The following PRC1 variants were observed in gnomAD, a reference collection of about 807,000 sequenced individuals.
PRC1 encodes anaphase spindle elongation 1 homolog.
PRC1 carries 54 observed loss-of-function variants against 91.2 expected under a neutral mutation model. The ratio of observed to expected loss-of-function variants is 0.59; its 90% CI spans 0.48 to 0.74. The LOEUF is 0.74. Among genes scored for constraint, PRC1 ranks in the 30% least tolerant of loss-of-function variants. PRC1 has a pLI of 0.00. For missense variants in PRC1, 727 were observed against 746.2 expected (o/e 0.97, Z 0.30); for synonymous variants, 275 against 263.6 (o/e 1.04, Z -0.42).
At chr15:90,993,660 T>G (rs954068060) in intron 1 of PRC1, among the ~76,000 whole-genome samples, 1 of 152,110 alleles carries the variant, frequency 6.6e-6, no homozygotes, top group Non-Finnish European at 1.5e-5. Flanking sequence ...GGACAGTCCC[T>G]CCCCAACACC....
intron 1 of PRC1, among the ~76,000 whole-genome samples, chr15:90,994,028 C>A (rs1340158074): frequency 2.6e-5 from 4 of 152,196 alleles, no homozygotes; most frequent in African/African-American, 9.6e-5. Flanking sequence ...CGCCAAGCAG[C>A]GGCACCTGAG....
At chr15:90,975,883 G>T (rs1025405272) in intron 9 of PRC1, among the ~76,000 whole-genome samples, 25 of 152,064 alleles carry the variant, frequency 1.6e-4, no homozygotes, top group Admixed American at 9.2e-4. Context: ...AATCTCATAC[G>T]ACTGGGAGTG....
chr15:90,966,523 A>G lies in PRC1; in HGVS notation c.*608T>C, dbSNP rs2037500992. On this transcript the variant is annotated 3_prime_UTR_variant, in exon 15 of 15. Coordinates refer to ENST00000394249, the MANE Select transcript of PRC1 (RefSeq NM_003981.4). ...ACATGCATACCCCCAACAAAGGGCA[A>G]TGCACTGTGTAACAGAACTGAACAC... 4.4e-6 allele frequency: 2 copies of G among 455,970 alleles called. No individual in the cohort carries two copies. Among genetic ancestry groups the G allele is most frequent in the Non-Finnish European group, 8.8e-6 (2 of 226,572 alleles). The allele number at this position is 455,970 out of a possible 1,614,324, so 28.2% of individuals were successfully genotyped here.
rs746597366 is a variant in PRC1 at position 90,966,382 on chromosome 15, A to G, written c.*749T>C. ...ACCCATTGGAACAAACAGACTCCCA[A>G]TGTGGCTGGCAACTGCGGGGGTAGA... On this transcript the variant is annotated 3_prime_UTR_variant, in exon 15 of 15. Transcript: ENST00000394249. The G allele has an allele frequency of 1.4e-4, 48 of 339,556 alleles. No individual in the cohort carries two copies. Among genetic ancestry groups the G allele is most frequent in the Non-Finnish European group, 1.0e-4 (17 of 169,444 alleles). 21.0% of individuals were successfully genotyped at this position (339,556 alleles called of 1,614,324 possible).
In PRC1 at chr15:90,966,236, A is replaced by C. The variant is rs111325644; in HGVS notation, c.*895T>G. ...GCGGAAGAATAAATAATAGTGCTTC[A>C]AGAAGAGTAGTGATTGAGAGGATAG... On this transcript the variant is annotated 3_prime_UTR_variant, in exon 15 of 15. Coordinates refer to ENST00000394249, the MANE Select transcript of PRC1 (RefSeq NM_003981.4). 4.7e-6 allele frequency: 1 copy of C among 211,396 alleles called. No individual in the cohort carries two copies. 13.1% of individuals were successfully genotyped at this position (211,396 alleles called of 1,614,324 possible). A position where few individuals can be genotyped will look rare whatever the true frequency, so the allele number is the denominator to read the frequency against.
rs147710592 is a variant in PRC1 at position 90,984,334 on chromosome 15, T to C, written c.145-194A>G. On this transcript the variant is annotated intron_variant, in intron 2 of 14. Transcript: ENST00000394249. The surrounding 1 kb of genome is among the most constrained non-coding windows in gnomAD (Gnocchi z 5.1). ...ACCTCTACCTTCCGGGTTCAATAGATTCTCCTGTCTCAGCCTCTTGAGTAG... is the reference window on the plus strand; with the variant it reads ...ACCTCTACCTTCCGGGTTCAATAGACTCTCCTGTCTCAGCCTCTTGAGTAG... Among the ~76,000 whole-genome samples the C allele has an allele frequency of 6.8e-3, 1,043 of 152,320 alleles. 8 individuals are homozygous for C. Among genetic ancestry groups the C allele is most frequent in the African/African-American group, 0.023 (944 of 41,560 alleles).
At chr15:90,978,569 T>C (rs2038923158) in intron 8 of PRC1, among the ~76,000 whole-genome samples, 4 of 151,856 alleles carry the variant, frequency 2.6e-5, no homozygotes, top group South Asian at 4.2e-4. Context: ...CTGGCCAACA[T>C]GGTGAAACCC....
At chr15:90,980,668 C>G in intron 6 of PRC1, 1 of 702,810 alleles carries the variant, frequency 1.4e-6, no homozygotes, top group Admixed American at 3.0e-5. Context: ...TACAGGCGCA[C>G]GCCACTACCA....
chr15:90,974,549 CG>C lies in PRC1; in HGVS notation c.1350+35del, dbSNP rs58376649. The C allele has an allele frequency of 2.5e-6, 4 of 1,613,004 alleles. No homozygotes were observed. The highest frequency in any genetic ancestry group is 1.7e-6 in the Non-Finnish European group (2 of 1,179,656). ...TATGGGCTGCTCAGATTACTTTCTT[CG>C]TCTTTTCCCAATTTGCGTTCACGTT... On this transcript the variant is annotated intron_variant, in intron 10 of 14. Coordinates refer to ENST00000394249, the MANE Select transcript of PRC1 (RefSeq NM_003981.4). The surrounding 1 kb of genome is among the most constrained non-coding windows in gnomAD (Gnocchi z 4.6).
chr15:90,974,655 T>C lies in PRC1; in HGVS notation c.1280A>G (p.Lys427Arg). ...TTGTTCTGCCACATACTCCATGAAT[T>C]TCTGCCCATTCACCATAAATGCCTT... Reference protein sequence around the residue: ...HSKAFMVNGQKFMEYVAEQWE... With the variant: ...HSKAFMVNGQRFMEYVAEQWE... The change falls in exon 10 of 15, where the codon AAA becomes AGA. Residue 427 changes from lysine to arginine, a missense_variant. By Grantham distance (26) the Lys-to-Arg change is conservative. Coordinates refer to ENST00000394249, the MANE Select transcript of PRC1 (RefSeq NM_003981.4). The surrounding 1 kb of genome is among the most constrained non-coding windows in gnomAD (Gnocchi z 4.6). 1 of 1,614,242 alleles carries C rather than the reference T, an allele frequency of 6.2e-7. No homozygotes were observed. Among genetic ancestry groups the C allele is most frequent in the Non-Finnish European group, 8.5e-7 (1 of 1,180,058 alleles).
At chr15:90,985,016 C>T (rs781116493) in intron 1 of PRC1, among the ~76,000 whole-genome samples, 191 bp from the exon 2 acceptor site, 4 of 152,166 alleles carry the variant, frequency 2.6e-5, no homozygotes, top group African/African-American at 9.7e-5. Flanking sequence ...ACTAGCAATA[C>T]AAGATTTCAT....
At chr15:90,988,262 A>G (rs186906172) in intron 1 of PRC1, 1 of 152,328 alleles carries the variant, frequency 6.6e-6, no homozygotes, top group East Asian at 1.9e-4. Context: ...TCTGTGGCCA[A>G]TATTCGATCT....
chr15:90,987,339 C>A (rs912801569), intron 1 of PRC1, among the ~76,000 whole-genome samples: 34 of 152,222 alleles, frequency 2.2e-4, no homozygotes, highest in African/African-American at 7.9e-4. Flanking sequence ...GATAGTAGTT[C>A]TTTTGGCTCA....
intron 9 of PRC1, among the ~76,000 whole-genome samples, chr15:90,976,158 G>A (rs923553459): frequency 6.6e-6 from 1 of 152,048 alleles, no homozygotes; most frequent in African/African-American, 2.4e-5. Flanking sequence ...GCGCGGTCTT[G>A]GCTCACTGCA....
intron 1 of PRC1, among the ~76,000 whole-genome samples, chr15:90,989,176 T>G (rs2039793206): frequency 6.6e-6 from 1 of 152,102 alleles, no homozygotes; most frequent in Admixed American, 6.6e-5. Flanking sequence ...CTAGAGGAAC[T>G]AGAACCCTCA....
chr15:90,989,927 A>G (rs1291076401), intron 1 of PRC1, among the ~76,000 whole-genome samples: 2 of 152,076 alleles, frequency 1.3e-5, no homozygotes, highest in Non-Finnish European at 2.9e-5. Context: ...GTGCAGTAAC[A>G]TGATCATGGC....
chr15:90,970,153 G>C (rs1288204950), intron 12 of PRC1, among the ~76,000 whole-genome samples: 5 of 152,162 alleles, frequency 3.3e-5, no homozygotes, highest in Non-Finnish European at 7.3e-5. Context: ...GACCCTGCCT[G>C]ATCTTCAGTT....
intron 1 of PRC1, among the ~76,000 whole-genome samples, chr15:90,992,045 C>T (rs568573698): frequency 6.6e-6 from 1 of 152,304 alleles, no homozygotes; most frequent in East Asian, 1.9e-4. Context: ...GCGCTATCTC[C>T]CCTTAGGGCA....
chr15:90,980,323 T>G lies in PRC1; in HGVS notation c.889A>C (p.Ile297Leu), dbSNP rs1279670834. Residue 297 changes from isoleucine to leucine, a missense_variant, in exon 7 of 15, where the codon ATT becomes CTT. Physicochemically the swap from Ile to Leu is conservative, Grantham distance 5. Coordinates refer to ENST00000394249, the MANE Select transcript of PRC1 (RefSeq NM_003981.4). ...MQNMKKVIEA[I>L]RVELVQYWDQ... ...CAGTACTGAACCAGCTCCACTCGAA[T>G]TGCCTCAATCACTTTCTTCATGTTT... The G allele has an allele frequency of 1.2e-6, 2 of 1,614,014 alleles. No individual in the cohort carries two copies. The highest frequency in any genetic ancestry group is 1.7e-6 in the Non-Finnish European group (2 of 1,180,018).
Sources: gnomAD v4.1 joint callset for allele counts (sites outside exome capture counted in the v4.1 genomes callset) on GRCh38, gnomAD v4.1.1 for gene constraint, Gnocchi (gnomAD v3.1) non-coding constraint, MANE v1.5 for transcripts, NCBI Gene and HGNC (gene_info 2026-07-23, HGNC 2026-07-21) for gene names.